SLC17A6: variants seen among roughly 807,000 people sequenced by gnomAD.
SLC17A6 encodes the protein vesicular glutamate transporter 2.
SLC17A6 carries 35 observed loss-of-function variants against 67.1 expected under a neutral mutation model. The ratio of observed to expected loss-of-function variants is 0.52; its 90% CI spans 0.40 to 0.69. The LOEUF is 0.69. SLC17A6 is among the 30% of genes least tolerant of loss of function. SLC17A6 has a pLI of 0.00. For missense variants in SLC17A6, 588 were observed against 723.9 expected, an observed-to-expected ratio of 0.81 and a Z score of 2.15; for synonymous variants, 285 against 252.3, an observed-to-expected ratio of 1.13 and a Z score of -1.23.
Position 22,378,746 on chromosome 11 carries a change from T to C in SLC17A6, c.*1006T>C, listed in dbSNP as rs1200349193. On this transcript the variant is annotated 3_prime_UTR_variant, in exon 12 of 12. Transcript: ENST00000263160. ...ATATAATATGAAAAGATTAACTTCA[T>C]AGAGATATTGTAAGTAGGTAATTTT... 1 of 152,168 alleles carries C rather than the reference T, an allele frequency of 6.6e-6. No homozygotes were observed. The highest frequency in any genetic ancestry group is 1.5e-5 in the Non-Finnish European group (1 of 67,970). The allele number at this position is 152,168 out of a possible 1,614,324, so 9.4% of individuals were successfully genotyped here.
At chr11:22,369,733 A>G (rs1856154471) in intron 7 of SLC17A6, among the ~76,000 whole-genome samples, 1 of 151,978 alleles carries the variant, frequency 6.6e-6, no homozygotes, top group African/African-American at 2.4e-5. Context: ...AATGGAAAAA[A>G]AAACCTTAAG....
At chr11:22,341,813 C>A (rs1418573164) in intron 2 of SLC17A6, 33 bp downstream of exon 2, 1 of 1,608,848 alleles carries the variant, frequency 6.2e-7, no homozygotes, top group African/African-American at 1.3e-5. Flanking sequence ...GGCTCCTGCC[C>A]TTCGGCCATG....
intron 3 of SLC17A6, among the ~76,000 whole-genome samples, chr11:22,354,264 A>G (rs1472665359): frequency 6.6e-6 from 1 of 151,986 alleles, no homozygotes; most frequent in African/African-American, 2.4e-5. Context: ...TTGTGTTTTT[A>G]GTACAGACGG....
chr11:22,358,544 C>A (rs1003266810), intron 3 of SLC17A6, among the ~76,000 whole-genome samples: 2 of 152,148 alleles, frequency 1.3e-5, no homozygotes, highest in East Asian at 3.9e-4. Context: ...GTTGGCCAGA[C>A]TGGTTTTGAG....
At chr11:22,362,639 G>A (rs374059856) in intron 5 of SLC17A6, 100 bp from the exon 6 acceptor site, 1 of 931,560 alleles carries the variant, frequency 1.1e-6, no homozygotes. Context: ...ATGTACCTGA[G>A]TGTTCCAGCG....
At chr11:22,376,299 CT>C (rs1195565036) in intron 10 of SLC17A6, among the ~76,000 whole-genome samples, 1 of 151,710 alleles carries the variant, frequency 6.6e-6, no homozygotes, top group Non-Finnish European at 1.5e-5. Flanking sequence ...CCTGGACTGC[CT>C]TTTTTTGTTG....
chr11:22,355,377 C>T (rs1855984104), intron 3 of SLC17A6, among the ~76,000 whole-genome samples: 1 of 152,104 alleles, frequency 6.6e-6, no homozygotes. Context: ...ATTATATCAG[C>T]CTTTCCCCCC....
chr11:22,342,639 C>T (rs1855830240), intron 2 of SLC17A6, among the ~76,000 whole-genome samples: 1 of 152,100 alleles, frequency 6.6e-6, no homozygotes, highest in Admixed American at 6.5e-5. Context: ...ACCCCTGCCC[C>T]GTATTTATTA....
Position 22,338,532 on chromosome 11 carries a change from G to T in SLC17A6, c.-2G>T, listed in dbSNP as rs1369002432. ...CAAGAACTGACAACAGTCTTTGCAAGAATGGAATCCGTAAAACAAAGGATT... is the reference window on the plus strand; with the variant it reads ...CAAGAACTGACAACAGTCTTTGCAATAATGGAATCCGTAAAACAAAGGATT... On this transcript the variant is annotated 5_prime_UTR_variant, in exon 1 of 12. Coordinates refer to ENST00000263160, the MANE Select transcript of SLC17A6 (RefSeq NM_020346.3). 1.2e-6 allele frequency: 2 copies of T among 1,610,216 alleles called. No homozygotes were observed. The highest frequency in any genetic ancestry group is 2.2e-5 in the South Asian group (2 of 90,812).
rs773140406 is a variant in SLC17A6 at position 22,338,601 on chromosome 11, C to T, written c.68C>T (p.Ser23Leu). 1 of 1,613,368 alleles carries T rather than the reference C, an allele frequency of 6.2e-7. No individual in the cohort carries two copies. The highest frequency in any genetic ancestry group is 1.1e-5 in the South Asian group (1 of 90,972). ...GGGCTAAAGAATTTTGCTGGAAAAT[C>T]ACTCGGCCAGATCTACAGGTAAGAC... ...KEGLKNFAGK[S>L]LGQIYRVLEK... Residue 23 changes from serine (S) to leucine (L), a missense_variant, in exon 1 of 12, where the codon TCA becomes TTA. Transcript: ENST00000263160.
chr11:22,362,653 G>T, intron 5 of SLC17A6, 86 bp from the exon 6 acceptor site: 1 of 1,113,928 alleles, frequency 9.0e-7, no homozygotes, highest in Non-Finnish European at 1.4e-6. Flanking sequence ...TCCAGCGTCT[G>T]TGTGAATCAA....
At chr11:22,354,637 A>C (rs1183173502) in intron 3 of SLC17A6, among the ~76,000 whole-genome samples, 1 of 152,190 alleles carries the variant, frequency 6.6e-6, no homozygotes, top group Admixed American at 6.5e-5. Context: ...TGGCATTGTT[A>C]ATGCCAGTAC....
chr11:22,341,898 A>C (rs1487290354), intron 2 of SLC17A6, 118 bp downstream of exon 2: 1 of 1,422,996 alleles, frequency 7.0e-7, no homozygotes, highest in Non-Finnish European at 9.4e-7. Flanking sequence ...GTGCTCCCTA[A>C]GCTCCTCTCT....
chr11:22,361,700 G>C (rs1856054351), intron 5 of SLC17A6, among the ~76,000 whole-genome samples: 1 of 148,444 alleles, frequency 6.7e-6, no homozygotes, highest in African/African-American at 2.5e-5. Flanking sequence ...AGCTCTTTCT[G>C]CTAATCTGAA....
intron 1 of SLC17A6, among the ~76,000 whole-genome samples, chr11:22,339,648 T>G (rs1365765241): frequency 6.6e-6 from 1 of 152,206 alleles, no homozygotes; most frequent in Admixed American, 6.5e-5. Context: ...GCACTAATTT[T>G]AATATTTGGG....
Position 22,377,424 on chromosome 11 carries a change from A to G in SLC17A6, c.1433A>G (p.Tyr478Cys), listed in dbSNP as rs547704147. ...TKNKSREEWQ[Y>C]VFLIAALVHY... ...CTGCAGTCACGTGAAGAGTGGCAGT[A>G]TGTCTTCCTGATCGCTGCCCTAGTC... The change falls in exon 12 of 12, where the codon TAT (tyrosine) becomes TGT (cysteine). Residue 478 changes from tyrosine (Y) to cysteine (C), a missense_variant. Coordinates refer to ENST00000263160, the MANE Select transcript of SLC17A6 (RefSeq NM_020346.3). The G allele has an allele frequency of 5.6e-6, 9 of 1,610,434 alleles. No individual in the cohort carries two copies. The South Asian group carries it at 8.8e-5, about 16-fold the overall frequency.
intron 2 of SLC17A6, among the ~76,000 whole-genome samples, chr11:22,342,215 A>G (rs1423184375): frequency 7.2e-5 from 11 of 152,240 alleles, no homozygotes; most frequent in Non-Finnish European, 2.9e-5. Context: ...AGCTGTGTTC[A>G]TATCAGCAGG....
intron 3 of SLC17A6, among the ~76,000 whole-genome samples, chr11:22,345,672 T>C (rs1165334614): frequency 6.6e-6 from 1 of 152,160 alleles, no homozygotes; most frequent in Non-Finnish European, 1.5e-5. Context: ...AGAGATCAAC[T>C]ACCTTATCTT....
At chr11:22,372,621 A>G (rs1856186575) in intron 8 of SLC17A6, among the ~76,000 whole-genome samples, 1 of 152,104 alleles carries the variant, frequency 6.6e-6, no homozygotes, top group Non-Finnish European at 1.5e-5. Flanking sequence ...ATTTCTGAAC[A>G]AGACGTGGAT....
Sources: allele counts gnomAD v4.1 joint callset (sites outside exome capture counted in the v4.1 genomes callset), GRCh38; gene constraint gnomAD v4.1.1; transcripts MANE v1.5; gene names NCBI Gene and HGNC (gene_info 2026-07-23, HGNC 2026-07-21).